Variants in CSMD3 observed in about 807,000 individuals in gnomAD.
CSMD3 encodes CUB and sushi domain-containing protein 3.
A neutral mutation model predicts 435.2 loss-of-function variants in CSMD3; 177 were observed. The ratio of observed to expected loss-of-function variants is 0.41; its 90% CI spans 0.36 to 0.46. The LOEUF (loss-of-function observed/expected upper bound fraction) is 0.46. CSMD3 is among the 20% of genes least tolerant of loss of function. CSMD3 has a pLI of 0.34. For synonymous variants in CSMD3, 1,656 were observed against 1,520.5 expected (o/e 1.09, Z -2.07); for missense variants, 4,265 against 4,504.6 (o/e 0.95, Z 1.52).
intron 10 of CSMD3, among the ~76,000 whole-genome samples, chr8:112,893,721 A>T (rs934250399): frequency 4.6e-5 from 7 of 151,446 alleles, no homozygotes; most frequent in African/African-American, 1.5e-4. Context: ...TTTATTTCTA[A>T]TAGTGTGATT....
At chr8:112,411,925 C>A (rs1811394680) in intron 32 of CSMD3, among the ~76,000 whole-genome samples, 2 of 152,018 alleles carry the variant, frequency 1.3e-5, no homozygotes, top group African/African-American at 4.8e-5. Context: ...AGTTGTCCAG[C>A]AAATTGGGTT....
intron 13 of CSMD3, among the ~76,000 whole-genome samples, chr8:112,762,714 G>A (rs2077871687): frequency 6.6e-6 from 1 of 151,840 alleles, no homozygotes; most frequent in Admixed American, 6.6e-5. Flanking sequence ...CATAATCAAA[G>A]TTGTGTTTCA....
intron 23 of CSMD3, among the ~76,000 whole-genome samples, chr8:112,574,152 G>A (rs1829754915): frequency 6.6e-6 from 1 of 151,778 alleles, no homozygotes; most frequent in Non-Finnish European, 1.5e-5. Flanking sequence ...TAAATTAAAG[G>A]AGGTCTAAAT....
chr8:113,400,580 C>T (rs2094505300), intron 1 of CSMD3, among the ~76,000 whole-genome samples: 1 of 151,696 alleles, frequency 6.6e-6, no homozygotes, highest in African/African-American at 2.4e-5. Context: ...ATTTCAGCTA[C>T]AGGGGGAAAA....
intron 13 of CSMD3, among the ~76,000 whole-genome samples, chr8:112,726,512 G>GTA (rs1289656967): frequency 2.0e-5 from 3 of 151,858 alleles, no homozygotes; most frequent in East Asian, 1.9e-4. Flanking sequence ...GTTAGAGAAG[G>GTA]TATATATATA....
chr8:112,928,505 T>A (rs1331473976), intron 9 of CSMD3, among the ~76,000 whole-genome samples: 1 of 152,180 alleles, frequency 6.6e-6, no homozygotes, highest in African/African-American at 2.4e-5. Flanking sequence ...ATCTCACTGT[T>A]CAATTCCCAC....
intron 5 of CSMD3, among the ~76,000 whole-genome samples, chr8:113,087,500 C>T (rs1365128597): frequency 1.3e-5 from 2 of 152,164 alleles, no homozygotes; most frequent in Admixed American, 6.5e-5. Context: ...GTACTGGTAA[C>T]AAAACAGAGA....
At position 112,689,777 on chromosome 8, in the gene CSMD3, G is replaced by A. The variant is rs990628103; in HGVS notation, c.2155+91C>T. The A allele has an allele frequency of 4.3e-5, 47 of 1,085,134 alleles. No individual in the cohort carries two copies. The African/African-American group carries it at 4.5e-4, about 10-fold the overall frequency. 67.2% of individuals were successfully genotyped at this position (1,085,134 alleles called of 1,614,324 possible). On this transcript the variant is annotated intron_variant, in intron 14 of 70. Transcript: ENST00000297405. ...GCTACTCACTCAAAAATAATTACACGGTTGCAGCTCTTTGCAATTAATTAC... is the reference window on the plus strand; with the variant it reads ...GCTACTCACTCAAAAATAATTACACAGTTGCAGCTCTTTGCAATTAATTAC...
In CSMD3 at chr8:113,156,523, T is replaced by C. The variant is rs548451929; in HGVS notation, c.709+17199A>G. The stretch of plus-strand genomic sequence containing the variant: ...AAAAAAATTAATATATTGTTAGAAG[T>C]TCTTGTCTACTCTTTCTCTTTTTAT... On this transcript the variant is annotated intron_variant, in intron 4 of 70. Transcript: ENST00000297405. Among the ~76,000 whole-genome samples the C allele has an allele frequency of 7.2e-5, 11 of 151,988 alleles. No individual in the cohort carries two copies. The East Asian group carries it at 2.1e-3, about 30-fold the overall frequency.
At position 112,855,788 on chromosome 8, in the gene CSMD3, T is replaced by C. The variant is rs1033790573; in HGVS notation, c.1755+3357A>G. Among the ~76,000 whole-genome samples the C allele has an allele frequency of 6.0e-5, 9 of 150,098 alleles. No homozygotes were observed. The East Asian group carries it at 1.6e-3, about 26-fold the overall frequency. On this transcript the variant is annotated intron_variant, in intron 11 of 70. Transcript: ENST00000297405. The stretch of plus-strand genomic sequence containing the variant: ...GCTTGGTTAATAGGATATGATTCCC[T>C]TCAAATATGTCTTAGCGAAGCTTTT...
chr8:112,917,188 C>T (rs1447918665), intron 10 of CSMD3, among the ~76,000 whole-genome samples: 2 of 151,890 alleles, frequency 1.3e-5, no homozygotes, highest in Non-Finnish European at 1.5e-5. Flanking sequence ...ACTTTAGAGG[C>T]ATTGATTATT....
chr8:112,719,487 G>A (rs2076809968), intron 13 of CSMD3, among the ~76,000 whole-genome samples: 1 of 152,234 alleles, frequency 6.6e-6, no homozygotes, highest in South Asian at 2.1e-4. Flanking sequence ...TGGTTTTGAT[G>A]AAAGCTCTTT....
At chr8:112,875,415 G>A (rs1394806495) in intron 10 of CSMD3, among the ~76,000 whole-genome samples, 2 of 152,046 alleles carry the variant, frequency 1.3e-5, no homozygotes, top group South Asian at 4.2e-4. Context: ...CTCTTCTCGA[G>A]GAGTATCTTT....
chr8:113,370,328 T>C (rs577572451), intron 1 of CSMD3, among the ~76,000 whole-genome samples: 6 of 151,548 alleles, frequency 4.0e-5, no homozygotes, highest in Non-Finnish European at 7.4e-5. Context: ...TTGTTGAATA[T>C]GACTGGAACA....
In CSMD3 at chr8:112,313,403, G is replaced by T. The variant is rs1407207465; in HGVS notation, c.7696+503C>A. ...ATAGATGGATAAAAATTAAAACAAA[G>T]ATTTTGACCTCTGTATGTTTATCCT... On this transcript the variant is annotated intron_variant, in intron 49 of 70. Transcript: ENST00000297405. Among the ~76,000 whole-genome samples, 5 of 152,038 alleles carry T rather than the reference G, an allele frequency of 3.3e-5. No homozygotes were observed. The South Asian group carries it at 6.2e-4, about 19-fold the overall frequency.
At chr8:112,269,258 T>G (rs1240279878) in intron 59 of CSMD3, among the ~76,000 whole-genome samples, 2 of 152,168 alleles carry the variant, frequency 1.3e-5, no homozygotes, top group African/African-American at 2.4e-5. Flanking sequence ...GAAAAACATC[T>G]TTGAGAATTT....
chr8:112,457,291 A>T (rs908330825), intron 32 of CSMD3, among the ~76,000 whole-genome samples: 1 of 152,098 alleles, frequency 6.6e-6, no homozygotes, highest in Non-Finnish European at 1.5e-5. Context: ...CCTAGATAGA[A>T]GTTTCCCTGC....
intron 3 of CSMD3, among the ~76,000 whole-genome samples, chr8:113,233,210 T>C (rs1398595190): frequency 6.6e-6 from 1 of 151,644 alleles, no homozygotes; most frequent in African/African-American, 2.4e-5. Flanking sequence ...ATTGAACTTA[T>C]ATGCAATTAA....
At chr8:112,756,089 T>C (rs2077691930) in intron 13 of CSMD3, among the ~76,000 whole-genome samples, 1 of 152,026 alleles carries the variant, frequency 6.6e-6, no homozygotes, top group Non-Finnish European at 1.5e-5. Flanking sequence ...ACGTGGGGAT[T>C]AGAAACAAAT....
Sources: gnomAD v4.1 joint callset for allele counts (sites outside exome capture counted in the v4.1 genomes callset) on GRCh38, gnomAD v4.1.1 for gene constraint, MANE v1.5 for transcripts, NCBI Gene and HGNC (gene_info 2026-07-23, HGNC 2026-07-21) for gene names.